Variants in FER observed in about 807,000 individuals in gnomAD.
The protein encoded by FER is FER tyrosine kinase, also known as tyrosine-protein kinase Fer.
A neutral mutation model predicts 111.0 loss-of-function variants in FER; 63 were observed. The observed-to-expected ratio is 0.57, with a 90% CI of 0.46 to 0.70. FER has a LOEUF of 0.70. Ranked by LOEUF, FER falls within the 30% of genes least tolerant of loss-of-function variation. The pLI is 0.00. For missense variants in FER, 914 were observed against 954.0 expected (o/e 0.96, Z 0.55); for synonymous variants, 327 against 313.9 (o/e 1.04, Z -0.44).
chr5:109,038,145 A>C (rs1188897688), intron 14 of FER, among the ~76,000 whole-genome samples: 1 of 151,900 alleles, frequency 6.6e-6, no homozygotes, highest in Non-Finnish European at 1.5e-5. Flanking sequence ...GAATTAACCA[A>C]ATGGACTATT....
chr5:109,047,524 A>G (rs936980680), intron 16 of FER, among the ~76,000 whole-genome samples: 7 of 152,216 alleles, frequency 4.6e-5, no homozygotes, highest in African/African-American at 9.6e-5. Flanking sequence ...TGATAGTACT[A>G]TCTTATATTT....
At chr5:109,063,350 A>G (rs539491092) in intron 16 of FER, among the ~76,000 whole-genome samples, 2 of 152,322 alleles carry the variant, frequency 1.3e-5, no homozygotes, top group South Asian at 2.1e-4. Context: ...GAAGGTTACT[A>G]TGGTAGTTAA....
chr5:108,764,672 C>T (rs1163368645), intron 1 of FER, among the ~76,000 whole-genome samples: 1 of 152,180 alleles, frequency 6.6e-6, no homozygotes, highest in Non-Finnish European at 1.5e-5. Flanking sequence ...GCTGGGATTA[C>T]AGGCATGAGC....
intron 13 of FER, among the ~76,000 whole-genome samples, chr5:108,988,121 C>T (rs1232226936): frequency 6.6e-6 from 1 of 152,066 alleles, no homozygotes; most frequent in African/African-American, 2.4e-5. Flanking sequence ...TGAACCATCC[C>T]TGCATCCCTG....
rs200938897 is a variant in FER at position 108,946,291 on chromosome 5, A to AAT, written c.1329+80_1329+81dup. 1.4e-3 allele frequency: 1,330 copies of AAT among 967,464 alleles called. 5 individuals are homozygous for AAT. The African/African-American group carries it at 0.018, about 13-fold the overall frequency. 59.9% of individuals were successfully genotyped at this position (967,464 alleles called of 1,614,324 possible). On this transcript the variant is annotated intron_variant, in intron 11 of 19. Coordinates refer to ENST00000281092, the MANE Select transcript of FER (RefSeq NM_005246.4). ...CTAGCTTCTTTCTGATGCACTAATG[A>AAT]ATATATATATATGTGTGTGTGTGTG...
At chr5:109,164,991 T>C (rs1756384083) in intron 17 of FER, among the ~76,000 whole-genome samples, 1 of 152,186 alleles carries the variant, frequency 6.6e-6, no homozygotes, top group South Asian at 2.1e-4. Context: ...CCTTTTTACA[T>C]TATAAGGAAT....
intron 9 of FER, among the ~76,000 whole-genome samples, chr5:108,889,949 C>T (rs1003442194): frequency 5.3e-5 from 8 of 151,872 alleles, no homozygotes; most frequent in Non-Finnish European, 8.8e-5. Flanking sequence ...AGAGAGATCC[C>T]GTGTACCCTA....
At chr5:108,802,897 A>G (rs1756827707) in intron 3 of FER, among the ~76,000 whole-genome samples, 1 of 152,062 alleles carries the variant, frequency 6.6e-6, no homozygotes, top group Non-Finnish European at 1.5e-5. Flanking sequence ...TTCTGTTTTA[A>G]TTTCTTTGAG....
chr5:108,867,726 T>G (rs765348172), intron 5 of FER, 41 bp from the exon 6 acceptor site: 1 of 1,563,948 alleles, frequency 6.4e-7, no homozygotes. Context: ...ATTTTTTTTC[T>G]TATCTCTTTA....
intron 3 of FER, among the ~76,000 whole-genome samples, chr5:108,799,315 A>C (rs948217726): frequency 2.0e-5 from 3 of 152,326 alleles, no homozygotes; most frequent in Non-Finnish European, 4.4e-5. Context: ...CCAGTGTCTT[A>C]TTTAAATATC....
At chr5:108,942,562 T>A (rs1157619391) in intron 10 of FER, among the ~76,000 whole-genome samples, 1 of 152,208 alleles carries the variant, frequency 6.6e-6, no homozygotes, top group Non-Finnish European at 1.5e-5. Context: ...GAAACCCTGT[T>A]GCTAAAACAA....
At position 108,945,370 on chromosome 5, in the gene FER, T is replaced by C. The variant is rs1046796341; in HGVS notation, c.1237-760T>C. On this transcript the variant is annotated intron_variant, in intron 10 of 19. Coordinates refer to ENST00000281092, the MANE Select transcript of FER (RefSeq NM_005246.4). ...TTGGTTTTTTTTCCTTTTTCCCTCT[T>C]TTTTTCTGCCCTCTTACCTACCCCA... is the stretch of plus-strand genomic sequence containing the variant. Among the ~76,000 whole-genome samples the C allele has an allele frequency of 5.3e-5, 8 of 152,190 alleles. 1 individual carries two copies. The highest frequency in any genetic ancestry group is 1.9e-4 in the African/African-American group (8 of 41,548).
At chr5:109,165,627 T>C (rs1756465761) in intron 17 of FER, among the ~76,000 whole-genome samples, 1 of 102,860 alleles carries the variant, frequency 9.7e-6, no homozygotes, top group Non-Finnish European at 2.3e-5. Context: ...TGTGTGTGTG[T>C]GTGTGTGTGT....
chr5:108,884,376 T>C (rs1343510617), intron 9 of FER, among the ~76,000 whole-genome samples: 1 of 152,002 alleles, frequency 6.6e-6, no homozygotes, highest in Non-Finnish European at 1.5e-5. Context: ...ATCCCAGAAA[T>C]AAATTAGAAA....
At chr5:109,045,778 C>T (rs1269814417) in intron 15 of FER, among the ~76,000 whole-genome samples, 1 of 152,218 alleles carries the variant, frequency 6.6e-6, no homozygotes, top group Non-Finnish European at 1.5e-5. Context: ...CTTGGCCACA[C>T]ACAGTTATCT....
chr5:109,042,530 G>T (rs767965731), intron 14 of FER, among the ~76,000 whole-genome samples: 1 of 152,164 alleles, frequency 6.6e-6, no homozygotes, highest in African/African-American at 2.4e-5. Flanking sequence ...CCTGACCACC[G>T]TTGATAAAGT....
At chr5:109,028,032 CAG>C (rs1056645957) in intron 13 of FER, among the ~76,000 whole-genome samples, 13 of 151,816 alleles carry the variant, frequency 8.6e-5, no homozygotes, top group African/African-American at 3.1e-4. Context: ...AAATTTGGAA[CAG>C]AGTTATTGTG....
chr5:108,985,775 T>G (rs2149733382), intron 13 of FER, among the ~76,000 whole-genome samples: 1 of 152,352 alleles, frequency 6.6e-6, no homozygotes, highest in South Asian at 2.1e-4. Context: ...TTTTATTCTG[T>G]TTTATGGCTG....
At chr5:109,047,599 A>G (rs1255112843) in intron 16 of FER, among the ~76,000 whole-genome samples, 1 of 152,036 alleles carries the variant, frequency 6.6e-6, no homozygotes, top group African/African-American at 2.4e-5. Flanking sequence ...GTTTAAATTA[A>G]TTTTTAATTT....
Sources: allele counts gnomAD v4.1 joint callset (sites outside exome capture counted in the v4.1 genomes callset), GRCh38; gene constraint gnomAD v4.1.1; transcripts MANE v1.5; gene names NCBI Gene and HGNC (gene_info 2026-07-23, HGNC 2026-07-21).